APELA: variants seen among roughly 807,000 people sequenced by gnomAD.
The protein encoded by APELA is apelin receptor early endogenous ligand, also known as protein Elabela.
rs1436629223 is a variant in APELA, at chr4:164,897,510, AAC to A, written c.*2099_*2100del. 1 of 152,242 alleles carries A rather than the reference AAC, an allele frequency of 6.6e-6. No individual in the cohort carries two copies. The highest frequency in any genetic ancestry group is 1.5e-5 in the Non-Finnish European group (1 of 68,042). 9.4% of individuals were successfully genotyped at this position (152,242 alleles called of 1,614,324 possible). The stretch of plus-strand genomic sequence containing the variant: ...TATACATTTCTTAATTGTTCAATAA[AAC>A]ACTCAATGATTTGCATGTCTGGCTG... On this transcript the variant is annotated 3_prime_UTR_variant, in exon 3 of 3. Transcript: ENST00000507152.
At chr4:164,881,840 G>C (rs1308876485) in intron 2 of APELA, among the ~76,000 whole-genome samples, 4 of 149,474 alleles carry the variant, frequency 2.7e-5, no homozygotes, top group African/African-American at 7.4e-5. Context: ...TTCAAGACCA[G>C]CCTGGACAAC....
intron 2 of APELA, among the ~76,000 whole-genome samples, chr4:164,880,291 G>A (rs1423275115): frequency 1.3e-5 from 2 of 152,152 alleles, no homozygotes; most frequent in African/African-American, 2.4e-5. Context: ...ATTAAATGAA[G>A]GAGGAGCAAT....
At chr4:164,894,999 G>T (rs1730945934) in intron 2 of APELA, among the ~76,000 whole-genome samples, 1 of 152,194 alleles carries the variant, frequency 6.6e-6, no homozygotes, top group Admixed American at 6.5e-5. Context: ...AATGAAGCAA[G>T]AAGCAGCCTT....
At chr4:164,892,972 A>G (rs1027556546) in intron 2 of APELA, among the ~76,000 whole-genome samples, 1 of 152,068 alleles carries the variant, frequency 6.6e-6, no homozygotes, top group Non-Finnish European at 1.5e-5. Context: ...ATTTCAGAGT[A>G]GTAGTTTGAG....
In APELA at chr4:164,895,990, G is replaced by A. The variant is rs1397857146; in HGVS notation, c.*576G>A. 6.6e-6 allele frequency: 1 copy of A among 152,182 alleles called. No individual in the cohort carries two copies. The highest frequency in any genetic ancestry group is 6.5e-5 in the Admixed American group (1 of 15,272). 9.4% of individuals were successfully genotyped at this position (152,182 alleles called of 1,614,324 possible). A position where few individuals can be genotyped will look rare whatever the true frequency, so the allele number is the denominator to read the frequency against. ...TACCAATTTTATGATAAGCTTTAAG[G>A]TTTATGAAAGTATGTTTTTTTATTT... On this transcript the variant is annotated 3_prime_UTR_variant, in exon 3 of 3. Transcript: ENST00000507152.
rs1427257643 is a variant in APELA, at chr4:164,891,283, A to G, written c.*2-4133A>G. On this transcript the variant is annotated intron_variant, in intron 2 of 2. Coordinates refer to ENST00000507152, the MANE Select transcript of APELA (RefSeq NM_001297550.2). Reference sequence around the variant, plus strand: ...TGGTAGCTTGTTCTTTAGATATTATATATTTAAAAAATAATCGAAGGTCAC... The same window carrying G: ...TGGTAGCTTGTTCTTTAGATATTATGTATTTAAAAAATAATCGAAGGTCAC... Among the ~76,000 whole-genome samples, 5 of 152,142 alleles carry G rather than the reference A, an allele frequency of 3.3e-5. No homozygotes were observed. The East Asian group carries it at 9.6e-4, about 29-fold the overall frequency.
chr4:164,882,346 GCCC>G (rs200089150), intron 2 of APELA, among the ~76,000 whole-genome samples: 1 of 151,722 alleles, frequency 6.6e-6, no homozygotes, highest in Non-Finnish European at 1.5e-5. Context: ...CAGGTGATCT[GCCC>G]CCCCTCAGAC....
chr4:164,881,937 G>T (rs1045441474), intron 2 of APELA, among the ~76,000 whole-genome samples: 1 of 151,642 alleles, frequency 6.6e-6, no homozygotes, highest in Non-Finnish European at 1.5e-5. Flanking sequence ...TATTTGGGGG[G>T]CTGAGGCCTC....
At chr4:164,888,770 A>T (rs1030174106) in intron 2 of APELA, among the ~76,000 whole-genome samples, 2 of 132,772 alleles carry the variant, frequency 1.5e-5, no homozygotes, top group East Asian at 3.8e-4. Flanking sequence ...TCCTTTAGTG[A>T]TTTCTCATTA....
intron 2 of APELA, among the ~76,000 whole-genome samples, chr4:164,888,090 G>T (rs933389961): frequency 2.0e-5 from 3 of 151,978 alleles, no homozygotes; most frequent in Non-Finnish European, 4.4e-5. Context: ...ACCCTGCAAG[G>T]TATAATAAAA....
At chr4:164,893,086 C>T (rs941222767) in intron 2 of APELA, among the ~76,000 whole-genome samples, 1 of 151,946 alleles carries the variant, frequency 6.6e-6, no homozygotes, top group Admixed American at 6.6e-5. Flanking sequence ...ATGGTTTTTC[C>T]ATTCTCCAGT....
intron 2 of APELA, among the ~76,000 whole-genome samples, chr4:164,879,588 G>A (rs931117197): frequency 6.6e-6 from 1 of 152,196 alleles, no homozygotes; most frequent in African/African-American, 2.4e-5. Context: ...GGGACTACAG[G>A]CATGCGCCAC....
At chr4:164,884,086 A>T (rs1730713968) in intron 2 of APELA, among the ~76,000 whole-genome samples, 1 of 108,060 alleles carries the variant, frequency 9.3e-6, no homozygotes, top group Admixed American at 9.9e-5. Context: ...AGAAAGAAGG[A>T]AAAAAAGAAA....
chr4:164,883,470 C>G (rs1167442323), intron 2 of APELA, among the ~76,000 whole-genome samples: 1 of 151,068 alleles, frequency 6.6e-6, no homozygotes, highest in East Asian at 1.9e-4. Flanking sequence ...TTTTATGTTC[C>G]CTTTCTAGTC....
intron 2 of APELA, 92 bp from the exon 3 acceptor site, chr4:164,895,324 C>T (rs1730953174): frequency 6.6e-6 from 1 of 151,970 alleles, no homozygotes; most frequent in South Asian, 2.1e-4. Flanking sequence ...TTCCATAACT[C>T]ATTATTAAAA....
downstream of APELA, chr4:164,897,582 T>C (rs757367880): frequency 1.6e-4 from 24 of 152,064 alleles, no homozygotes; most frequent in Non-Finnish European, 2.4e-4. Context: ...TATAGCATGG[T>C]AGAAATGTTC....
chr4:164,880,008 A>C (rs142685517), intron 2 of APELA, among the ~76,000 whole-genome samples: 156 of 152,342 alleles, frequency 1.0e-3, no homozygotes, highest in African/African-American at 3.3e-3. Context: ...AACACTGTCC[A>C]AGTTTAAGTC....
intron 2 of APELA, among the ~76,000 whole-genome samples, chr4:164,887,988 C>A (rs1481751434): frequency 1.3e-5 from 2 of 152,112 alleles, no homozygotes; most frequent in Non-Finnish European, 2.9e-5. Context: ...GGCTACTTGG[C>A]CTGCAAAAGT....
intron 2 of APELA, among the ~76,000 whole-genome samples, chr4:164,884,291 T>C (rs999516839): frequency 8.5e-5 from 13 of 152,258 alleles, no homozygotes; most frequent in Admixed American, 3.9e-4. Flanking sequence ...GACCAGCCCA[T>C]GTTCTCTTCA....
Sources: allele counts gnomAD v4.1 joint callset (sites outside exome capture counted in the v4.1 genomes callset), GRCh38; gene constraint gnomAD v4.1.1; transcripts MANE v1.5; gene names NCBI Gene and HGNC (gene_info 2026-07-23, HGNC 2026-07-21).